The following OTUD4 variants were observed in gnomAD, a reference collection of about 807,000 sequenced individuals.
OTUD4 encodes OTU domain-containing protein 4.
In OTUD4, 24 loss-of-function variants were observed where a neutral mutation model predicts 130.4. The observed-to-expected ratio is 0.18, with a 90% CI of 0.13 to 0.26. The LOEUF (loss-of-function observed/expected upper bound fraction) is 0.26, where lower values mean the gene tolerates loss of function less well. OTUD4 is among the 10% of genes least tolerant of loss of function. The probability of loss-of-function intolerance (pLI) is 1.00; values close to 1 mark genes in which losing one functional copy is unlikely to be tolerated. For synonymous variants in OTUD4, 420 were observed against 472.5 expected (o/e 0.89, Z 1.44); for missense variants, 1,031 against 1,329.4 (o/e 0.78, Z 3.49).
Position 145,134,878 on chromosome 4 carries a change from A to G in OTUD4, c.*2552T>C, listed in dbSNP as rs1251940493. Reference sequence around the variant, plus strand: ...TCTGTTCTTCAAAATATGTATGATCATAATATGGTGAAGTTTCATAATTTC... The same window carrying G: ...TCTGTTCTTCAAAATATGTATGATCGTAATATGGTGAAGTTTCATAATTTC... On this transcript the variant is annotated 3_prime_UTR_variant, in exon 21 of 21. Transcript: ENST00000447906. 1 of 398,860 alleles carries G rather than the reference A, an allele frequency of 2.5e-6. No homozygotes were observed. Among genetic ancestry groups the G allele is most frequent in the South Asian group, 1.3e-4 (1 of 7,862 alleles). The allele number at this position is 398,860 out of a possible 1,614,324, so 24.7% of individuals were successfully genotyped here.
At chr4:145,156,552 A>C (rs1469097956) in intron 7 of OTUD4, among the ~76,000 whole-genome samples, 1 of 152,004 alleles carries the variant, frequency 6.6e-6, no homozygotes, top group Non-Finnish European at 1.5e-5. Context: ...GCGTAGTGGC[A>C]CATGGCTGTA....
chr4:145,141,304 C>A (rs1750551338), intron 19 of OTUD4, 75 bp downstream of exon 19: 40 of 1,349,458 alleles, frequency 3.0e-5, no homozygotes, highest in Non-Finnish European at 4.0e-5. Flanking sequence ...CTGACCTCTA[C>A]TTACATCTCT....
At chr4:145,179,585 A>C in intron 1 of OTUD4, 1 of 1,362,882 alleles carries the variant, frequency 7.3e-7, no homozygotes. Context: ...TTACCTCTTC[A>C]TCAGGAGAGA....
Position 145,150,622 on chromosome 4 carries a change from G to A in OTUD4, c.1150C>T (p.Pro384Ser). The change falls in exon 13 of 21, where the codon CCT becomes TCT. Residue 384 changes from proline (P) to serine (S), a missense_variant. By Grantham distance (74) the Pro-to-Ser change is moderately conservative. This residue lies in a region of OTUD4 where 900 missense variants were observed against 1,095.9 expected (regional missense o/e 0.82). Transcript: ENST00000447906. ...PSALPPRLQH[P>S]SGVRQHAFSS... is the part of the protein sequence containing the mutation. ...AACGCATGTTGTCTTACTCCTGAAG[G>A]ATGCTGCAGTCGAGGAGGTAGTGCT... The A allele has an allele frequency of 6.2e-7, 1 of 1,613,262 alleles. No individual in the cohort carries two copies. Among genetic ancestry groups the A allele is most frequent in the Non-Finnish European group, 8.5e-7 (1 of 1,179,242 alleles).
chr4:145,170,144 G>GA, intron 3 of OTUD4, among the ~76,000 whole-genome samples: 1 of 152,338 alleles, frequency 6.6e-6, no homozygotes, highest in East Asian at 1.9e-4. Context: ...CAGAGGCCCT[G>GA]ATTCAGGTAT....
At chr4:145,141,925 C>G (rs1013819786) in intron 18 of OTUD4, among the ~76,000 whole-genome samples, 1 of 152,162 alleles carries the variant, frequency 6.6e-6, no homozygotes, top group African/African-American at 2.4e-5. Flanking sequence ...AAGGAAGCAT[C>G]AAACCGTGGT....
chr4:145,172,977 A>G (rs1278438262), intron 2 of OTUD4, among the ~76,000 whole-genome samples: 2 of 152,236 alleles, frequency 1.3e-5, no homozygotes, highest in Non-Finnish European at 2.9e-5. Context: ...GTAACAAGGC[A>G]TAATACTTTC....
rs756201611 is a variant in OTUD4, at chr4:145,150,880, G to A, written c.994C>T (p.Pro332Ser). ...ACTGTGTTCCAGCTTTCTGGGGGAG[G>A]TGCCTTGAGGTTCTTTGATGTGTGC... is the stretch of plus-strand genomic sequence containing the variant. ...KKHTSKNLKA[P>S]PPESWNTVSG... The change falls in exon 12 of 21, where the codon CCT (proline) becomes TCT (serine). Residue 332 changes from proline to serine, a missense_variant. By Grantham distance (74) the Pro-to-Ser change is moderately conservative. Around this residue, in one of 3 missense-constraint regions of OTUD4, gnomAD observed 900 missense variants for 1,095.9 expected, o/e 0.82. Coordinates refer to ENST00000447906, the MANE Select transcript of OTUD4 (RefSeq NM_001366057.1). The A allele has an allele frequency of 1.9e-6, 3 of 1,613,522 alleles. No individual in the cohort carries two copies. In the Admixed American group the frequency reaches 5.0e-5, roughly 27 times the overall value.
rs1163512593 is a variant in OTUD4, at chr4:145,136,609, G to C, written c.*821C>G. On this transcript the variant is annotated 3_prime_UTR_variant, in exon 21 of 21. Transcript: ENST00000447906. ...AACTTCTGCAGTTCTAACTGATGCA[G>C]ATTATTTTCAAAATGCATAGCATCT... 7 of 152,402 alleles carry C rather than the reference G, an allele frequency of 4.6e-5. No homozygotes were observed. In the East Asian group the frequency reaches 1.3e-3, roughly 29 times the overall value. The allele number at this position is 152,402 out of a possible 1,614,324, so 9.4% of individuals were successfully genotyped here.
chr4:145,178,603 G>A (rs1049741449), intron 1 of OTUD4: 65 of 152,300 alleles, frequency 4.3e-4, no homozygotes, highest in African/African-American at 1.5e-3. Flanking sequence ...GCCTGGTTTG[G>A]GGAGCTTTTG....
chr4:145,147,215 TTA>T (rs1750865340), intron 13 of OTUD4, among the ~76,000 whole-genome samples: 1 of 152,192 alleles, frequency 6.6e-6, no homozygotes, highest in Non-Finnish European at 1.5e-5. Context: ...CAAAGAAATA[TTA>T]TCCTCCTCGA....
At chr4:145,144,141 G>T in intron 15 of OTUD4, 140 bp from the exon 16 acceptor site, 2 of 1,011,354 alleles carry the variant, frequency 2.0e-6, no homozygotes, top group Non-Finnish European at 3.0e-6. Flanking sequence ...TTTTAGAATA[G>T]CACTTAACAT....
intron 4 of OTUD4, among the ~76,000 whole-genome samples, chr4:145,164,526 A>G (rs1751750297): frequency 6.6e-6 from 1 of 152,176 alleles, no homozygotes; most frequent in African/African-American, 2.4e-5. Context: ...TGAAAAGAAA[A>G]AACAAAGTAT....
rs1752165008 is a variant in OTUD4 at position 145,171,519 on chromosome 4, T to C, written c.294+151A>G. 1.7e-5 allele frequency: 9 copies of C among 522,260 alleles called. No individual in the cohort carries two copies. The East Asian group carries it at 2.9e-4, about 17-fold the overall frequency. The allele number at this position is 522,260 out of a possible 1,614,324, so 32.4% of individuals were successfully genotyped here. A position where few individuals can be genotyped will look rare whatever the true frequency, so the allele number is the denominator to read the frequency against. The stretch of plus-strand genomic sequence containing the variant: ...ATATAGCTCCAACTTAAGTGCTGCA[T>C]AAAATGTGTAGGAAACGTTTATAAG... On this transcript the variant is annotated intron_variant, in intron 3 of 20. Transcript: ENST00000447906.
chr4:145,155,373 C>G (rs1315827631), intron 10 of OTUD4, 38 bp downstream of exon 10: 1 of 1,547,846 alleles, frequency 6.5e-7, no homozygotes, highest in African/African-American at 1.4e-5. Flanking sequence ...AGCAAAGTTT[C>G]AAGTAAAATC....
chr4:145,150,485 A>T, intron 13 of OTUD4, 28 bp downstream of exon 13: 1 of 1,513,342 alleles, frequency 6.6e-7, no homozygotes, highest in Non-Finnish European at 9.1e-7. Context: ...CTTGATTTCT[A>T]TACTTCTCTT....
At chr4:145,153,285 G>A (rs1751148556) in intron 10 of OTUD4, among the ~76,000 whole-genome samples, 1 of 152,196 alleles carries the variant, frequency 6.6e-6, no homozygotes. Context: ...TCCTGGTTCT[G>A]AAGGCAGGGC....
intron 10 of OTUD4, 28 bp from the exon 11 acceptor site, chr4:145,152,663 A>G (rs1295945770): frequency 8.7e-7 from 1 of 1,143,870 alleles, no homozygotes. Context: ...AATGAAAAGG[A>G]AAAAAAAAAT....
intron 7 of OTUD4, among the ~76,000 whole-genome samples, chr4:145,156,801 T>C (rs1751317925): frequency 6.6e-6 from 1 of 152,142 alleles, no homozygotes; most frequent in Non-Finnish European, 1.5e-5. Flanking sequence ...AATAAATAAC[T>C]TGATTGTCTA....
Sources: allele counts gnomAD v4.1 joint callset (sites outside exome capture counted in the v4.1 genomes callset), GRCh38; gene constraint gnomAD v4.1.1; regional missense constraint gnomAD v4.1.1; transcripts MANE v1.5; gene names NCBI Gene and HGNC (gene_info 2026-07-23, HGNC 2026-07-21).